Variants in FAM83E observed in about 807,000 individuals in gnomAD.
FAM83E encodes the protein scaffolding CK1 anchoring protein E, also known as protein FAM83E.
FAM83E carries 29 observed loss-of-function variants against 34.3 expected under a neutral mutation model. That is an observed-to-expected ratio of 0.85 (90% CI 0.63 to 1.15). FAM83E has a LOEUF of 1.15. FAM83E is among the 50% of genes most tolerant of loss of function. The pLI, the probability that FAM83E is intolerant of heterozygous loss-of-function variation, is 0.00. For synonymous variants in FAM83E, 312 were observed against 311.6 expected (o/e 1.00, Z -0.01); for missense variants, 697 against 685.0 (o/e 1.02, Z -0.20).
At chr19:48,603,992 G>A in intron 5 of FAM83E, 81 bp from the exon 6 acceptor site, 1 of 1,439,204 alleles carries the variant, frequency 6.9e-7, no homozygotes, top group Admixed American at 2.3e-5. Flanking sequence ...GGTCCCAGGG[G>A]AGACCGTAGG....
At chr19:48,601,455 C>G (rs1303806185) in intron 6 of FAM83E, 86 bp from the exon 7 acceptor site, 1 of 1,508,608 alleles carries the variant, frequency 6.6e-7, no homozygotes, top group Non-Finnish European at 8.9e-7. Context: ...GGAGGTGAGG[C>G]AAGAGAGAAG....
intron 5 of FAM83E, among the ~76,000 whole-genome samples, chr19:48,608,737 C>G (rs1225803514): frequency 1.3e-5 from 2 of 151,648 alleles, no homozygotes; most frequent in Non-Finnish European, 2.9e-5. Context: ...TGAGCCACCA[C>G]GCCCAGCCCA....
chr19:48,611,238 A>G (rs1163132418), intron 3 of FAM83E, among the ~76,000 whole-genome samples: 2 of 149,752 alleles, frequency 1.3e-5, no homozygotes, highest in African/African-American at 4.9e-5. Flanking sequence ...GCGCAATCTC[A>G]GCTCACTGCA....
At chr19:48,612,859 G>A (rs1364057611) in intron 3 of FAM83E, 49 bp downstream of exon 3, 4 of 1,478,128 alleles carry the variant, frequency 2.7e-6, no homozygotes, top group Non-Finnish European at 3.6e-6. Context: ...GAATGCCTGG[G>A]TCCCCGTCCC....
At position 48,613,618 on chromosome 19, in the gene FAM83E, C is replaced by T; in HGVS notation, c.-246G>A. ...TGTGTCAGGCCACTCAGATCCGCCACCTGCCTGCACCCAGTGGCACCATGC... is the reference window on the plus strand; with the variant it reads ...TGTGTCAGGCCACTCAGATCCGCCATCTGCCTGCACCCAGTGGCACCATGC... On this transcript the variant is annotated 5_prime_UTR_variant, in exon 3 of 7. In the 5' UTR this introduces an upstream ATG that the reference lacks. Coordinates refer to ENST00000263266, the MANE Select transcript of FAM83E (RefSeq NM_017708.4). The T allele has an allele frequency of 7.4e-7, 1 of 1,360,212 alleles. No individual in the cohort carries two copies. The highest frequency in any genetic ancestry group is 9.4e-7 in the Non-Finnish European group (1 of 1,059,084). The allele number at this position is 1,360,212 out of a possible 1,614,324, so 84.3% of individuals were successfully genotyped here. A position where few individuals can be genotyped will look rare whatever the true frequency, so the allele number is the denominator to read the frequency against.
At chr19:48,606,641 CG>C (rs1352424914) in intron 5 of FAM83E, 2 of 300,644 alleles carry the variant, frequency 6.7e-6, no homozygotes, top group Non-Finnish European at 1.3e-5. Context: ...GGCAGGTCGG[CG>C]GGGCAGGCCA....
At chr19:48,611,148 T>TTTC (rs1555738076) in intron 3 of FAM83E, among the ~76,000 whole-genome samples, 1 of 148,880 alleles carries the variant, frequency 6.7e-6, no homozygotes, top group East Asian at 2.0e-4. Flanking sequence ...TTTTTGTGTT[T>TTTC]TTGTTGTTGT....
At chr19:48,604,289 G>A (rs1280176426) in intron 5 of FAM83E, among the ~76,000 whole-genome samples, 1 of 151,292 alleles carries the variant, frequency 6.6e-6, no homozygotes, top group African/African-American at 2.4e-5. Context: ...AGCCACTTGG[G>A]AGACTGAGGC....
intron 6 of FAM83E, among the ~76,000 whole-genome samples, chr19:48,602,423 G>T (rs980127567): frequency 6.6e-6 from 1 of 151,186 alleles, no homozygotes; most frequent in Admixed American, 6.6e-5. Flanking sequence ...GGGCAAACCT[G>T]GGACCCCCTA....
Position 48,606,849 on chromosome 19 carries a change from C to T in FAM83E, c.759-2938G>A, listed in dbSNP as rs930230962. The T allele has an allele frequency of 3.5e-5, 42 of 1,209,626 alleles. 1 individual carries two copies. In the African/African-American group the frequency reaches 6.0e-4, roughly 17 times the overall value. The allele number at this position is 1,209,626 out of a possible 1,614,324, so 74.9% of individuals were successfully genotyped here. A position where few individuals can be genotyped will look rare whatever the true frequency, so the allele number is the denominator to read the frequency against. On this transcript the variant is annotated intron_variant, in intron 5 of 6. Coordinates refer to ENST00000263266, the MANE Select transcript of FAM83E (RefSeq NM_017708.4). ...ACAGAGGACACTCCAGGCGCTGACC[C>T]TGGGAGGCCAGGACCAGGGCCAAAG...
At chr19:48,612,769 G>A in intron 3 of FAM83E, 139 bp downstream of exon 3, 1 of 970,208 alleles carries the variant, frequency 1.0e-6, no homozygotes, top group Non-Finnish European at 1.5e-6. Context: ...GGGCTGGAAG[G>A]TGTGCACTCC....
At chr19:48,612,848 A>G in intron 3 of FAM83E, 60 bp downstream of exon 3, 2 of 1,467,174 alleles carry the variant, frequency 1.4e-6, no homozygotes, top group South Asian at 1.4e-5. Flanking sequence ...GACAAGGGAG[A>G]GAATGCCTGG....
At chr19:48,607,628 T>C in intron 5 of FAM83E, 1 of 482,548 alleles carries the variant, frequency 2.1e-6, no homozygotes, top group Non-Finnish European at 3.8e-6. Flanking sequence ...ATCAGGATGC[T>C]TCTCTCCATT....
rs1974116412 is a variant in FAM83E, at chr19:48,614,720, G to C, written c.-1268C>G. On this transcript the variant is annotated 5_prime_UTR_variant, in exon 2 of 7. Coordinates refer to ENST00000263266, the MANE Select transcript of FAM83E (RefSeq NM_017708.4). ...CGCCGGGGCTCACCCACACCGGCTAGTGCCGGGCTCAATGGCCTCCCTTCC... is the reference window on the plus strand; with the variant it reads ...CGCCGGGGCTCACCCACACCGGCTACTGCCGGGCTCAATGGCCTCCCTTCC... 3.0e-6 allele frequency: 3 copies of C among 984,402 alleles called. No homozygotes were observed. Among genetic ancestry groups the C allele is most frequent in the Non-Finnish European group, 2.4e-6 (2 of 829,834 alleles). 61.0% of individuals were successfully genotyped at this position (984,402 alleles called of 1,614,324 possible).
chr19:48,606,610 G>A, intron 5 of FAM83E: 1 of 263,214 alleles, frequency 3.8e-6, no homozygotes, highest in East Asian at 7.8e-5. Flanking sequence ...TGGCAGGGAT[G>A]GCAGAGCCCT....
chr19:48,604,722 C>T (rs1407076723), intron 5 of FAM83E, among the ~76,000 whole-genome samples: 1 of 142,198 alleles, frequency 7.0e-6, no homozygotes, highest in African/African-American at 2.5e-5. Context: ...CCCCTCGCCC[C>T]CCTCCCAAAA....
At chr19:48,601,494 G>A in intron 6 of FAM83E, 125 bp from the exon 7 acceptor site, 1 of 1,459,996 alleles carries the variant, frequency 6.8e-7, no homozygotes, top group Non-Finnish European at 9.1e-7. Flanking sequence ...GCCAGGCACG[G>A]TGGCTCACGC....
At position 48,601,056 on chromosome 19, in the gene FAM83E, G is replaced by T; in HGVS notation, c.*53C>A. 1 of 1,554,256 alleles carries T rather than the reference G, an allele frequency of 6.4e-7. No individual in the cohort carries two copies. Among genetic ancestry groups the T allele is most frequent in the Non-Finnish European group, 8.7e-7 (1 of 1,151,666 alleles). ...TGAGGCAGAGGGCTCTGAGCCGACA[G>T]TTGTCCGGCACTGCTCCTTGGGTGG... On this transcript the variant is annotated 3_prime_UTR_variant, in exon 7 of 7. Transcript: ENST00000263266.
chr19:48,607,450 A>G (rs1973955881), intron 5 of FAM83E: 19 of 1,447,296 alleles, frequency 1.3e-5, no homozygotes, highest in Non-Finnish European at 1.8e-5. Flanking sequence ...GAGGCCCTGG[A>G]CAACCTCTTG....
Sources: gnomAD v4.1 joint callset for allele counts (sites outside exome capture counted in the v4.1 genomes callset) on GRCh38, gnomAD v4.1.1 for gene constraint, MANE v1.5 for transcripts, NCBI Gene and HGNC (gene_info 2026-07-23, HGNC 2026-07-21) for gene names.